KIAA0825: variants seen among roughly 807,000 people sequenced by gnomAD.
The protein encoded by KIAA0825 is uncharacterized protein KIAA0825.
KIAA0825 carries 119 observed loss-of-function variants against 147.6 expected under a neutral mutation model. That is an observed-to-expected ratio of 0.81 (90% confidence interval 0.69 to 0.94). The LOEUF (loss-of-function observed/expected upper bound fraction) is 0.94, where lower values mean the gene tolerates loss of function less well. Among genes scored for constraint, KIAA0825 ranks in the 40% least tolerant of loss-of-function variants. The probability of loss-of-function intolerance (pLI) is 0.00; values close to 1 mark genes in which losing one functional copy is unlikely to be tolerated. For synonymous variants in KIAA0825, 470 were observed against 518.1 expected (o/e 0.91, Z 1.26); for missense variants, 1,381 against 1,472.7 (o/e 0.94, Z 1.02).
chr5:94,313,315 G>C (rs1779342848), intron 20 of KIAA0825, among the ~76,000 whole-genome samples: 3 of 151,646 alleles, frequency 2.0e-5, no homozygotes, highest in Non-Finnish European at 4.4e-5. Context: ...AGGGAGAAGA[G>C]AGTAACTTTT....
At position 94,151,786 on chromosome 5, in the gene KIAA0825, A is replaced by C. The variant is rs928236207; in HGVS notation, c.*2221T>G. On this transcript the variant is annotated 3_prime_UTR_variant, in exon 21 of 21. Coordinates refer to ENST00000682413, the MANE Select transcript of KIAA0825 (RefSeq NM_001145678.3). ...TTAGATATATTAGAAGACAATCCAA[A>C]TGTGAAATCCTGTAATTTTATAAGA... is the stretch of plus-strand genomic sequence containing the variant. Among the ~76,000 whole-genome samples, 8 of 152,332 alleles carry C rather than the reference A, an allele frequency of 5.3e-5. No homozygotes were observed. The highest frequency in any genetic ancestry group is 3.4e-3 in the Middle Eastern group (1 of 294).
At position 94,398,183 on chromosome 5, in the gene KIAA0825, G is replaced by A. The variant is rs139396960; in HGVS notation, c.2888-1674C>T. On this transcript the variant is annotated intron_variant, in intron 16 of 20. Coordinates refer to ENST00000682413, the MANE Select transcript of KIAA0825 (RefSeq NM_001145678.3). ...TCTTCACAAATGGTACCTTGACTAC[G>A]GAACTATTCTTCTAACTCATCTCCC... Among the ~76,000 whole-genome samples, 5 of 152,186 alleles carry A rather than the reference G, an allele frequency of 3.3e-5. No individual in the cohort carries two copies. The East Asian group carries it at 9.7e-4, about 29-fold the overall frequency.
intron 20 of KIAA0825, among the ~76,000 whole-genome samples, chr5:94,207,623 G>A (rs1252168773): frequency 6.6e-6 from 1 of 152,188 alleles, no homozygotes; most frequent in East Asian, 1.9e-4. Context: ...TTTCCGTGGT[G>A]TCTAAACACA....
At chr5:94,400,410 GACTTCTT>G (rs921783309) in intron 16 of KIAA0825, among the ~76,000 whole-genome samples, 1 of 151,996 alleles carries the variant, frequency 6.6e-6, no homozygotes, top group African/African-American at 2.4e-5. Flanking sequence ...CTATACTAAT[GACTTCTT>G]ACAGCACTTT....
intron 2 of KIAA0825, among the ~76,000 whole-genome samples, chr5:94,579,265 T>A: frequency 6.6e-6 from 1 of 152,322 alleles, no homozygotes; most frequent in South Asian, 2.1e-4. Context: ...TTACTAGTTA[T>A]ATAACCTTCT....
At chr5:94,266,898 T>G (rs900278089) in intron 20 of KIAA0825, among the ~76,000 whole-genome samples, 2 of 152,284 alleles carry the variant, frequency 1.3e-5, no homozygotes, top group Middle Eastern at 6.8e-3. Flanking sequence ...CCTCAATAAT[T>G]TTTAAGAATA....
chr5:94,360,560 A>G (rs1262240295), intron 20 of KIAA0825, among the ~76,000 whole-genome samples: 1 of 152,220 alleles, frequency 6.6e-6, no homozygotes, highest in Non-Finnish European at 1.5e-5. Context: ...CAAGATGGCG[A>G]TGAAAGTAAT....
chr5:94,595,038 C>G (rs986329491), intron 1 of KIAA0825, among the ~76,000 whole-genome samples: 1 of 152,110 alleles, frequency 6.6e-6, no homozygotes, highest in Non-Finnish European at 1.5e-5. Flanking sequence ...CAGAGGCTGG[C>G]GTTGAGTGTC....
At chr5:94,519,431 C>G (rs1767756476) in intron 5 of KIAA0825, 1 of 915,488 alleles carries the variant, frequency 1.1e-6, no homozygotes, top group African/African-American at 1.8e-5. Context: ...CTATTTTTAC[C>G]CTGATTTTTC....
intron 20 of KIAA0825, among the ~76,000 whole-genome samples, chr5:94,223,386 A>C (rs930981941): frequency 1.3e-5 from 2 of 152,102 alleles, no homozygotes; most frequent in African/African-American, 4.8e-5. Context: ...CCAAAAGTAT[A>C]CCTCACGTAG....
chr5:94,470,851 G>A (rs1175941926), intron 9 of KIAA0825, among the ~76,000 whole-genome samples: 2 of 152,138 alleles, frequency 1.3e-5, no homozygotes, highest in Non-Finnish European at 2.9e-5. Flanking sequence ...TCTTTTGCAA[G>A]AAGCCATGTT....
chr5:94,428,196 T>TG (rs1755170860), intron 14 of KIAA0825, among the ~76,000 whole-genome samples: 1 of 148,058 alleles, frequency 6.8e-6, no homozygotes, highest in African/African-American at 2.5e-5. Context: ...TGTGTGTGTT[T>TG]TAATTCAACT....
chr5:94,187,619 G>A (rs2149992785), intron 20 of KIAA0825, among the ~76,000 whole-genome samples: 1 of 151,980 alleles, frequency 6.6e-6, no homozygotes, highest in Non-Finnish European at 1.5e-5. Context: ...TAGAGACGGG[G>A]TTTCTCCGTG....
chr5:94,425,703 T>C (rs1402068076), intron 14 of KIAA0825, among the ~76,000 whole-genome samples: 1 of 152,198 alleles, frequency 6.6e-6, no homozygotes, highest in African/African-American at 2.4e-5. Context: ...TTGTTTTACA[T>C]AGTGGTTTGT....
At chr5:94,281,713 A>T (rs762317889) in intron 20 of KIAA0825, among the ~76,000 whole-genome samples, 7 of 152,166 alleles carry the variant, frequency 4.6e-5, no homozygotes, top group Non-Finnish European at 8.8e-5. Flanking sequence ...GACAACGAAA[A>T]CATTCCAAAC....
chr5:94,273,371 A>G (rs1302857998), intron 20 of KIAA0825, among the ~76,000 whole-genome samples: 1 of 152,164 alleles, frequency 6.6e-6, no homozygotes, highest in African/African-American at 2.4e-5. Flanking sequence ...ACAGTATCCT[A>G]CAAATAGAAT....
At chr5:94,237,003 C>T (rs1444861597) in intron 20 of KIAA0825, among the ~76,000 whole-genome samples, 1 of 151,450 alleles carries the variant, frequency 6.6e-6, no homozygotes, top group Non-Finnish European at 1.5e-5. Flanking sequence ...GCTCTGGGAC[C>T]AAACTGACAA....
At chr5:94,225,032 G>T (rs537799762) in intron 20 of KIAA0825, among the ~76,000 whole-genome samples, 1 of 152,252 alleles carries the variant, frequency 6.6e-6, no homozygotes, top group South Asian at 2.1e-4. Flanking sequence ...AGAGGCTGAG[G>T]TGCTCCTGTG....
intron 20 of KIAA0825, among the ~76,000 whole-genome samples, chr5:94,154,427 TAAATA>T (rs1275535345): frequency 6.6e-6 from 1 of 152,226 alleles, no homozygotes; most frequent in East Asian, 1.9e-4. Flanking sequence ...AATACACATA[TAAATA>T]AAATCTAGAA....
Sources: allele counts gnomAD v4.1 joint callset (sites outside exome capture counted in the v4.1 genomes callset), GRCh38; gene constraint gnomAD v4.1.1; transcripts MANE v1.5; gene names NCBI Gene and HGNC (gene_info 2026-07-23, HGNC 2026-07-21).